SCARA3: variants seen among roughly 807,000 people sequenced by gnomAD.
The protein encoded by SCARA3 is cellular stress response gene protein.
In SCARA3, 39 loss-of-function variants were observed where a neutral mutation model predicts 47.0. The ratio of observed to expected loss-of-function variants is 0.83; its 90% confidence interval spans 0.64 to 1.08. SCARA3 has a LOEUF of 1.08. SCARA3 is among the 50% of genes least tolerant of loss of function. The pLI is 0.00. For synonymous variants in SCARA3, 356 were observed against 334.1 expected, an observed-to-expected ratio of 1.07 and a Z score of -0.71; for missense variants, 724 against 792.3, an observed-to-expected ratio of 0.91 and a Z score of 1.04.
the SCARA3 span, among the ~76,000 whole-genome samples, chr8:27,689,249 A>C: frequency 6.6e-6 from 1 of 151,488 alleles, no homozygotes; most frequent in Non-Finnish European, 1.5e-5. Context: ...GGGTCTAAGG[A>C]CCCCCAGTTC....
At chr8:27,716,759 T>C in the SCARA3 span, among the ~76,000 whole-genome samples, 3 of 152,078 alleles carry the variant, frequency 2.0e-5, no homozygotes, top group Admixed American at 2.0e-4. Flanking sequence ...AATAATAACA[T>C]AGTCTCAAAG....
rs1398922907 is a variant in SCARA3, at chr8:27,658,698, C to T, written c.528C>T (p.Phe176=). ...QISQEMGSCS[F]SIHQVNQSLG... is the part of the protein sequence containing the mutation. ...CCCAGGAGATGGGCAGTTGCTCCTTCTCCATCCACCAGGTTAACCAGTCTC... is the reference window on the plus strand; with the variant it reads ...CCCAGGAGATGGGCAGTTGCTCCTTTTCCATCCACCAGGTTAACCAGTCTC... The change falls in exon 5 of 6, where the codon TTC becomes TTT. Residue 176 remains phenylalanine (F), a synonymous_variant. Coordinates refer to ENST00000301904, the MANE Select transcript of SCARA3 (RefSeq NM_016240.3). 6.2e-7 allele frequency: 1 copy of T among 1,614,058 alleles called. No individual in the cohort carries two copies. Among genetic ancestry groups the T allele is most frequent in the African/African-American group, 1.3e-5 (1 of 75,042 alleles).
chr8:27,715,671 AGACT>A, the SCARA3 span, among the ~76,000 whole-genome samples: 1 of 152,192 alleles, frequency 6.6e-6, no homozygotes, highest in African/African-American at 2.4e-5. This position sits in a 1 kb window ranked among gnomAD's most constrained non-coding sequence, Gnocchi z 4.2. Flanking sequence ...AGGAACAGAC[AGACT>A]GACAGATAGA....
intron 5 of SCARA3, among the ~76,000 whole-genome samples, chr8:27,668,739 G>A (rs1014866582): frequency 3.9e-5 from 6 of 152,060 alleles, no homozygotes; most frequent in East Asian, 1.9e-4. Context: ...GGTGGCATGC[G>A]CCTGTTGGAG....
chr8:27,712,963 C>T, the SCARA3 span, among the ~76,000 whole-genome samples: 9 of 152,232 alleles, frequency 5.9e-5, no homozygotes, highest in Middle Eastern at 3.4e-3. Flanking sequence ...ATACAATGTC[C>T]TATGATTCCC....
At chr8:27,714,596 C>A in the SCARA3 span, among the ~76,000 whole-genome samples, 4 of 152,086 alleles carry the variant, frequency 2.6e-5, no homozygotes, top group Non-Finnish European at 5.9e-5. Flanking sequence ...TCAAAGGACA[C>A]AGCTAGGGGA....
downstream of SCARA3, among the ~76,000 whole-genome samples, chr8:27,677,446 A>G (rs929909246): frequency 1.4e-4 from 21 of 152,202 alleles, no homozygotes; most frequent in Admixed American, 2.6e-4. Context: ...AGCTGACTAG[A>G]GATGCTGAAG....
At chr8:27,721,239 T>C in the SCARA3 span, among the ~76,000 whole-genome samples, 1 of 152,188 alleles carries the variant, frequency 6.6e-6, no homozygotes, top group East Asian at 1.9e-4. Context: ...TAAATAAATA[T>C]ACATATATAT....
At chr8:27,637,492 C>T (rs1269342794) in intron 1 of SCARA3, among the ~76,000 whole-genome samples, 2 of 152,200 alleles carry the variant, frequency 1.3e-5, no homozygotes, top group South Asian at 2.1e-4. Context: ...TTAGTCCCGG[C>T]CCCATCATCT....
the SCARA3 span, among the ~76,000 whole-genome samples, chr8:27,700,931 G>A: frequency 6.6e-6 from 1 of 152,086 alleles, no homozygotes; most frequent in Non-Finnish European, 1.5e-5. Context: ...TCACTTCTGG[G>A]TTTTTACCCA....
chr8:27,725,529 C>CAAAA, the SCARA3 span, among the ~76,000 whole-genome samples: 478 of 141,580 alleles, frequency 3.4e-3, 3 homozygotes, highest in African/African-American at 7.4e-3. Context: ...CTGCCCCCTC[C>CAAAA]AAAAAAAAAA....
chr8:27,681,709 G>T (rs1177511045), downstream of SCARA3, among the ~76,000 whole-genome samples: 1 of 152,180 alleles, frequency 6.6e-6, no homozygotes, highest in Non-Finnish European at 1.5e-5. Flanking sequence ...GCAACAGGCT[G>T]AGATTCTGTC....
chr8:27,668,152 G>T (rs979263907), intron 5 of SCARA3, among the ~76,000 whole-genome samples: 1 of 152,220 alleles, frequency 6.6e-6, no homozygotes, highest in Non-Finnish European at 1.5e-5. Context: ...CCTAGGGAAA[G>T]ACTCCCCAGA....
intron 5 of SCARA3, among the ~76,000 whole-genome samples, chr8:27,666,209 C>T (rs1442647520): frequency 1.3e-5 from 2 of 152,226 alleles, no homozygotes; most frequent in Non-Finnish European, 2.9e-5. Flanking sequence ...CTCCACTCAG[C>T]TTCTCAGCCT....
At chr8:27,702,288 C>G in the SCARA3 span, 2,653 of 152,462 alleles carry the variant, frequency 0.017, 40 homozygotes, top group South Asian at 0.062. Context: ...AGCCCCCTCC[C>G]TGCAGCCTGG....
intron 2 of SCARA3, among the ~76,000 whole-genome samples, chr8:27,650,345 G>A (rs528789092): frequency 6.6e-6 from 1 of 152,190 alleles, no homozygotes; most frequent in East Asian, 1.9e-4. Flanking sequence ...GTCCTCCCGA[G>A]ACCCATCAGG....
chr8:27,657,553 T>G (rs1801769640), intron 4 of SCARA3, among the ~76,000 whole-genome samples: 1 of 141,406 alleles, frequency 7.1e-6, no homozygotes, highest in Admixed American at 7.1e-5. Flanking sequence ...TTTTTTTTTT[T>G]TTTTTGAGAC....
the SCARA3 span, chr8:27,733,648 A>C: frequency 1.3e-5 from 2 of 152,224 alleles, no homozygotes; most frequent in African/African-American, 4.8e-5. Flanking sequence ...AGTCTGCTTC[A>C]AAATCAAAAG....
intron 1 of SCARA3, among the ~76,000 whole-genome samples, chr8:27,643,500 G>A (rs1241057013): frequency 4.6e-5 from 7 of 152,194 alleles, no homozygotes; most frequent in Non-Finnish European, 1.0e-4. Flanking sequence ...AGACCTGAGC[G>A]GGCAGGCGGA....
Sources: allele counts gnomAD v4.1 joint callset (sites outside exome capture counted in the v4.1 genomes callset), GRCh38; gene constraint gnomAD v4.1.1; non-coding constraint Gnocchi (gnomAD v3.1); transcripts MANE v1.5; gene names NCBI Gene and HGNC (gene_info 2026-07-23, HGNC 2026-07-21).